The following ST6GAL2 variants were observed in gnomAD, a reference collection of about 807,000 sequenced individuals.
ST6GAL2 encodes the protein ST6 beta-galactoside alpha-2,6-sialyltransferase 2, also known as beta-galactoside alpha-2,6-sialyltransferase 2.
Under a neutral mutation model 37.5 loss-of-function variants are expected in ST6GAL2, and 24 were observed. The observed-to-expected ratio is 0.64, with a 90% CI of 0.46 to 0.90. ST6GAL2 has a LOEUF of 0.90. Among genes scored for constraint, ST6GAL2 ranks in the 40% least tolerant of loss-of-function variants. The pLI is 0.00. For missense variants in ST6GAL2, 715 were observed against 712.7 expected, an observed-to-expected ratio of 1.00 and a Z score of -0.04; for synonymous variants, 306 against 295.1, an observed-to-expected ratio of 1.04 and a Z score of -0.38.
intron 1 of ST6GAL2, among the ~76,000 whole-genome samples, chr2:106,865,342 C>T (rs917872268): frequency 5.3e-5 from 8 of 152,280 alleles, no homozygotes; most frequent in Non-Finnish European, 8.8e-5. Flanking sequence ...TTTATTTATG[C>T]AGGACCCTTT....
chr2:106,873,435 A>G (rs1000979090), intron 1 of ST6GAL2, among the ~76,000 whole-genome samples: 2 of 152,202 alleles, frequency 1.3e-5, no homozygotes, highest in African/African-American at 4.8e-5. Flanking sequence ...ATAACAAAAC[A>G]CTGCTGAGCC....
At chr2:106,878,242 C>T (rs769613457) in intron 1 of ST6GAL2, among the ~76,000 whole-genome samples, 13 of 152,158 alleles carry the variant, frequency 8.5e-5, no homozygotes, top group Non-Finnish European at 1.6e-4. Flanking sequence ...GCGGGAGGAT[C>T]GCTACAGACC....
chr2:106,840,335 G>T (rs142722369), intron 2 of ST6GAL2, among the ~76,000 whole-genome samples: 18 of 152,330 alleles, frequency 1.2e-4, no homozygotes, highest in African/African-American at 4.3e-4. Flanking sequence ...TTTGTATTCT[G>T]CAAGCCATTC....
chr2:106,864,618 A>G (rs1386935958), intron 1 of ST6GAL2, among the ~76,000 whole-genome samples: 1 of 152,244 alleles, frequency 6.6e-6, no homozygotes, highest in Non-Finnish European at 1.5e-5. Context: ...AGCTGTATCA[A>G]CTTGGGCAGG....
intron 1 of ST6GAL2, among the ~76,000 whole-genome samples, chr2:106,878,228 T>C (rs1391328344): frequency 6.6e-6 from 1 of 152,224 alleles, no homozygotes; most frequent in Non-Finnish European, 1.5e-5. Context: ...CTTTGGGGGT[T>C]GAGGCGGGAG....
chr2:106,875,836 T>C (rs1346095773), intron 1 of ST6GAL2, among the ~76,000 whole-genome samples: 5 of 152,224 alleles, frequency 3.3e-5, no homozygotes, highest in African/African-American at 1.2e-4. Context: ...AAATATATCA[T>C]CTAGAAACAA....
At chr2:106,867,188 C>T (rs549395016) in intron 1 of ST6GAL2, among the ~76,000 whole-genome samples, 12 of 152,198 alleles carry the variant, frequency 7.9e-5, no homozygotes, top group African/African-American at 2.6e-4. Flanking sequence ...CACAGGGTCC[C>T]ACAGCCAGCC....
At chr2:106,874,537 T>G (rs182689959) in intron 1 of ST6GAL2, among the ~76,000 whole-genome samples, 1 of 152,196 alleles carries the variant, frequency 6.6e-6, no homozygotes, top group Non-Finnish European at 1.5e-5. Context: ...GCTTAAGGTT[T>G]GGAAGGAGGA....
intron 2 of ST6GAL2, among the ~76,000 whole-genome samples, chr2:106,838,665 T>A (rs1018316783): frequency 1.3e-5 from 2 of 152,196 alleles, no homozygotes; most frequent in Non-Finnish European, 2.9e-5. Context: ...TGGAGGTACC[T>A]TCATTTCCTT....
At chr2:106,836,880 G>A (rs1235881142) in intron 2 of ST6GAL2, among the ~76,000 whole-genome samples, 1 of 144,154 alleles carries the variant, frequency 6.9e-6, no homozygotes, top group Non-Finnish European at 1.5e-5. Context: ...GGGGGCAGAG[G>A]TTGCAGTGAG....
chr2:106,808,914 G>A (rs1675515175), intron 5 of ST6GAL2, among the ~76,000 whole-genome samples: 1 of 152,202 alleles, frequency 6.6e-6, no homozygotes, highest in South Asian at 2.1e-4. Flanking sequence ...GACTGAGGCA[G>A]GAGAATCACT....
chr2:106,824,596 C>T (rs890098991), intron 5 of ST6GAL2, among the ~76,000 whole-genome samples: 7 of 152,196 alleles, frequency 4.6e-5, no homozygotes, highest in Admixed American at 1.3e-4. Context: ...GGCTCCACTG[C>T]ACTCCAGCCT....
chr2:106,816,196 A>C (rs1391336217), intron 5 of ST6GAL2, among the ~76,000 whole-genome samples: 4 of 152,186 alleles, frequency 2.6e-5, no homozygotes, highest in Admixed American at 2.6e-4. Context: ...GCAAAGAAAA[A>C]CTAATAAAGT....
At chr2:106,848,688 T>C (rs1432199926) in intron 1 of ST6GAL2, among the ~76,000 whole-genome samples, 1 of 152,206 alleles carries the variant, frequency 6.6e-6, no homozygotes, top group Non-Finnish European at 1.5e-5. Context: ...AAAGTGAACT[T>C]GGGAAATTTC....
At chr2:106,881,022 G>A (rs545065356) in intron 1 of ST6GAL2, among the ~76,000 whole-genome samples, 1 of 149,714 alleles carries the variant, frequency 6.7e-6, no homozygotes, top group South Asian at 2.1e-4. Context: ...GTCTCACTCT[G>A]TCACCCAGGC....
At chr2:106,816,362 ATAATCT>A (rs1183856861) in intron 5 of ST6GAL2, among the ~76,000 whole-genome samples, 1 of 152,218 alleles carries the variant, frequency 6.6e-6, no homozygotes, top group Non-Finnish European at 1.5e-5. Context: ...ATTCCAAGAA[ATAATCT>A]TGATACTAAA....
At chr2:106,863,574 G>T (rs564693042) in intron 1 of ST6GAL2, among the ~76,000 whole-genome samples, 108 of 152,252 alleles carry the variant, frequency 7.1e-4, no homozygotes, top group African/African-American at 2.6e-3. Context: ...AGAACGTGTA[G>T]GCAGTAGCCA....
chr2:106,838,604 T>A (rs1676742077), intron 2 of ST6GAL2, among the ~76,000 whole-genome samples: 1 of 152,218 alleles, frequency 6.6e-6, no homozygotes, highest in African/African-American at 2.4e-5. Flanking sequence ...TGAGAGCTAG[T>A]GTTTCTGGAG....
intron 5 of ST6GAL2, among the ~76,000 whole-genome samples, chr2:106,828,143 C>T (rs1037292537): frequency 6.6e-6 from 1 of 152,184 alleles, no homozygotes; most frequent in Non-Finnish European, 1.5e-5. Flanking sequence ...TCAGTTATGA[C>T]TATCTAACTT....
Sources: gnomAD v4.1 joint callset for allele counts (sites outside exome capture counted in the v4.1 genomes callset) on GRCh38, gnomAD v4.1.1 for gene constraint, MANE v1.5 for transcripts, NCBI Gene and HGNC (gene_info 2026-07-23, HGNC 2026-07-21) for gene names.